The following WFDC10B variants were observed in gnomAD, a reference collection of about 807,000 sequenced individuals.
The protein encoded by WFDC10B is WAP four-disulfide core domain 10B, also known as protein WFDC10B.
Under a neutral mutation model 2.7 loss-of-function variants are expected in WFDC10B, and 1 was observed. The ratio of observed to expected loss-of-function variants is 0.38; its 90% confidence interval spans 0.13 to 1.79. WFDC10B has a LOEUF of 1.79. WFDC10B is among the 40% of genes most tolerant of loss of function. The probability of loss-of-function intolerance (pLI) is 0.33; values close to 1 mark genes in which losing one functional copy is unlikely to be tolerated. For synonymous variants in WFDC10B, 26 were observed against 32.2 expected (o/e 0.81, Z 0.65); for missense variants, 71 against 87.8 (o/e 0.81, Z 0.76).
At chr20:45,693,430 G>A (rs556333744) in intron 2 of WFDC10B, among the ~76,000 whole-genome samples, 75 of 152,360 alleles carry the variant, frequency 4.9e-4, no homozygotes, top group Admixed American at 1.8e-3. Context: ...TGCCCCCAGA[G>A]GTGGAGCCTA....
chr20:45,694,959 C>A (rs893672658), intron 2 of WFDC10B, among the ~76,000 whole-genome samples: 2 of 152,220 alleles, frequency 1.3e-5, no homozygotes, highest in Non-Finnish European at 1.5e-5. Flanking sequence ...GTGGCACACA[C>A]AACTCACAAG....
At chr20:45,704,364 C>A in intron 2 of WFDC10B, 133 bp downstream of exon 2, 2 of 1,523,522 alleles carry the variant, frequency 1.3e-6, no homozygotes, top group East Asian at 2.3e-5. Context: ...GGTTTCCTGG[C>A]AGTTCCCTGG....
Position 45,684,772 on chromosome 20 carries a change from A to G in WFDC10B, c.*58T>C. The G allele has an allele frequency of 1.3e-6, 2 of 1,589,198 alleles. No homozygotes were observed. The stretch of plus-strand genomic sequence containing the variant: ...ATGTCCTTGTGCTTCGGATGTGGGC[A>G]CAGTCTCGGATGGAAGGGTTCAGGG... On this transcript the variant is annotated 3_prime_UTR_variant, in exon 4 of 4. Transcript: ENST00000330523.
chr20:45,685,033 C>G (rs1175633642), intron 3 of WFDC10B, 73 bp from the exon 4 acceptor site: 9 of 1,590,796 alleles, frequency 5.7e-6, no homozygotes, highest in African/African-American at 5.4e-5. Context: ...TGAAGCTCCT[C>G]CATGGCCCCA....
chr20:45,704,848 AC>A (rs1046336493), intron 1 of WFDC10B, 69 bp downstream of exon 1: 3 of 1,514,584 alleles, frequency 2.0e-6, no homozygotes, highest in Admixed American at 1.7e-5. Flanking sequence ...CTCTGAACAC[AC>A]CCACAAATGC....
chr20:45,693,175 C>T (rs1186658611), intron 2 of WFDC10B, among the ~76,000 whole-genome samples: 1 of 152,158 alleles, frequency 6.6e-6, no homozygotes, highest in East Asian at 1.9e-4. Flanking sequence ...ACTGTCTGAT[C>T]GTTCCTCTGG....
chr20:45,704,010 T>C (rs1440908002), intron 2 of WFDC10B, among the ~76,000 whole-genome samples: 1 of 152,260 alleles, frequency 6.6e-6, no homozygotes. Context: ...AAATAACCCA[T>C]GTTAGGTTAA....
Position 45,685,935 on chromosome 20 carries a change from G to A in WFDC10B, c.58C>T (p.Gln20Ter). The A allele has an allele frequency of 6.2e-7, 1 of 1,614,152 alleles. No individual in the cohort carries two copies. Among genetic ancestry groups the A allele is most frequent in the Non-Finnish European group, 8.5e-7 (1 of 1,180,038 alleles). The change falls in exon 3 of 4, where the codon CAG becomes TAG. Residue 20 changes from glutamine to a stop codon, truncating the protein, a stop_gained. Transcript: ENST00000330523. LOFTEE classifies it low-confidence loss of function (END_TRUNC). ...LVLCVLLLQA[Q>*]GGYRDKMRMQ... ...CTCATCTTGTCACGGTATCCTCCCT[G>A]GGCCTGCAGCAGCAGCACACAGAGA...
chr20:45,685,486 C>T (rs1257506081), intron 3 of WFDC10B, among the ~76,000 whole-genome samples: 1 of 152,094 alleles, frequency 6.6e-6, no homozygotes, highest in Non-Finnish European at 1.5e-5. Context: ...CTTTTCATTG[C>T]TTATGTCCTT....
chr20:45,690,341 G>A (rs1236613136), intron 2 of WFDC10B, among the ~76,000 whole-genome samples: 1 of 152,058 alleles, frequency 6.6e-6, no homozygotes. Context: ...GTATCAGGAT[G>A]ATGCTGGTCT....
chr20:45,685,070 C>T (rs1983564135), intron 3 of WFDC10B, 110 bp from the exon 4 acceptor site: 1 of 1,379,652 alleles, frequency 7.2e-7, no homozygotes, highest in Non-Finnish European at 9.9e-7. Context: ...GCCACCACGA[C>T]TCTCCTGGAC....
intron 2 of WFDC10B, among the ~76,000 whole-genome samples, chr20:45,698,593 C>A (rs1443657550): frequency 6.6e-6 from 1 of 150,962 alleles, no homozygotes; most frequent in African/African-American, 2.4e-5. Flanking sequence ...AAAAAAAAAC[C>A]CAATTACAAA....
intron 2 of WFDC10B, among the ~76,000 whole-genome samples, chr20:45,700,349 A>G (rs901593842): frequency 6.6e-6 from 1 of 152,240 alleles, no homozygotes; most frequent in African/African-American, 2.4e-5. Flanking sequence ...TACTCAGCAC[A>G]TCCTATGAAG....
In WFDC10B at chr20:45,688,541, G is replaced by C. The variant is rs184222344; in HGVS notation, c.-64-2485C>G. The stretch of plus-strand genomic sequence containing the variant: ...TTTTTAATTATTGCCATTCTAACTG[G>C]TGTGAGATGATATCCCATTGTGGTT... On this transcript the variant is annotated intron_variant, in intron 2 of 3. Transcript: ENST00000330523. Among the ~76,000 whole-genome samples, 837 of 152,222 alleles carry C rather than the reference G, an allele frequency of 5.5e-3. 6 individuals carry two copies. Among genetic ancestry groups the C allele is most frequent in the African/African-American group, 0.019 (803 of 41,530 alleles).
At chr20:45,704,202 T>C (rs1984291198) in intron 2 of WFDC10B, among the ~76,000 whole-genome samples, 1 of 152,210 alleles carries the variant, frequency 6.6e-6, no homozygotes, top group South Asian at 2.1e-4. Flanking sequence ...GGATGGTGAA[T>C]GACCAATGGG....
intron 2 of WFDC10B, among the ~76,000 whole-genome samples, chr20:45,696,182 A>G (rs952402769): frequency 1.3e-5 from 2 of 150,072 alleles, no homozygotes; most frequent in Non-Finnish European, 3.0e-5. Flanking sequence ...GCTACTCAGG[A>G]GTCTGAGGCA....
At chr20:45,684,981 G>T in intron 3 of WFDC10B, 21 bp from the exon 4 acceptor site, 1 of 1,613,246 alleles carries the variant, frequency 6.2e-7, no homozygotes, top group Admixed American at 1.7e-5. Context: ...GCAGGAGCAG[G>T]GTCAATGAAA....
At chr20:45,699,823 C>G (rs560735691) in intron 2 of WFDC10B, among the ~76,000 whole-genome samples, 2 of 152,328 alleles carry the variant, frequency 1.3e-5, no homozygotes, top group African/African-American at 4.8e-5. Flanking sequence ...GGACTACAGG[C>G]ATGTGCCACC....
intron 2 of WFDC10B, among the ~76,000 whole-genome samples, chr20:45,694,878 T>G (rs1037271341): frequency 6.6e-6 from 1 of 152,102 alleles, no homozygotes; most frequent in Non-Finnish European, 1.5e-5. Flanking sequence ...GAGTTGAAGC[T>G]CTATAAAAAC....
Sources: gnomAD v4.1 joint callset for allele counts (sites outside exome capture counted in the v4.1 genomes callset) on GRCh38, gnomAD v4.1.1 for gene constraint, MANE v1.5 for transcripts, NCBI Gene and HGNC (gene_info 2026-07-23, HGNC 2026-07-21) for gene names.